Variants in PCDHA8 observed in about 807,000 individuals in gnomAD.
PCDHA8 encodes the protein protocadherin alpha 8, also known as protocadherin alpha-8.
In PCDHA8, 53 loss-of-function variants were observed where a neutral mutation model predicts 61.8. The observed-to-expected ratio is 0.86, with a 90% CI of 0.69 to 1.08. The LOEUF is 1.08. Ranked by LOEUF, PCDHA8 falls within the 50% of genes least tolerant of loss-of-function variation. PCDHA8 has a pLI of 0.00. For synonymous variants in PCDHA8, 618 were observed against 556.6 expected, an observed-to-expected ratio of 1.11 and a Z score of -1.55; for missense variants, 1,293 against 1,245.0, an observed-to-expected ratio of 1.04 and a Z score of -0.58.
intron 1 of PCDHA8, among the ~76,000 whole-genome samples, chr5:140,973,733 C>G (rs1273705154): frequency 6.6e-6 from 1 of 152,216 alleles, no homozygotes; most frequent in Non-Finnish European, 1.5e-5. Context: ...GGCATCTGGT[C>G]TAACTCAGAA....
At chr5:140,957,855 T>TC (rs1398127159) in intron 1 of PCDHA8, among the ~76,000 whole-genome samples, 1 of 151,980 alleles carries the variant, frequency 6.6e-6, no homozygotes, top group Non-Finnish European at 1.5e-5. Context: ...TTTGTGTATT[T>TC]TTTTTCCTAT....
chr5:140,953,601 C>T (rs1448878513), intron 1 of PCDHA8, among the ~76,000 whole-genome samples: 3 of 152,014 alleles, frequency 2.0e-5, no homozygotes, highest in Non-Finnish European at 4.4e-5. Flanking sequence ...TTGTTTATTC[C>T]CCAGAGTCCT....
In PCDHA8 at chr5:140,841,681, C is replaced by T. The variant is rs2150320703; in HGVS notation, c.360C>T (p.Asp120=). 2.5e-6 allele frequency: 4 copies of T among 1,613,906 alleles called. No individual in the cohort carries two copies. In the South Asian group the frequency reaches 4.4e-5, roughly 18 times the overall value. ...VDRPLQVFHV[D]VEVKDVNDNP... ...GGCCGCTGCAGGTTTTCCATGTGGA[C>T]GTGGAGGTGAAGGATGTTAATGACA... Residue 120 remains aspartate (D), a synonymous_variant, in exon 1 of 4, where the codon GAC becomes GAT. Transcript: ENST00000531613.
chr5:141,011,104 C>A lies in PCDHA8; in HGVS notation c.*1167C>A, dbSNP rs1396728499. On this transcript the variant is annotated 3_prime_UTR_variant, in exon 4 of 4. Transcript: ENST00000531613. ...GATCTCTCTTTCTCTCTCTCTCTCT[C>A]TTTTCTAAGAAACAATTATGTGCAC... is the stretch of plus-strand genomic sequence containing the variant. 6.5e-6 allele frequency: 1 copy of A among 153,726 alleles called. No individual in the cohort carries two copies. The highest frequency in any genetic ancestry group is 1.5e-5 in the Non-Finnish European group (1 of 68,028). The allele number at this position is 153,726 out of a possible 1,614,324, so 9.5% of individuals were successfully genotyped here. A position where few individuals can be genotyped will look rare whatever the true frequency, so the allele number is the denominator to read the frequency against.
chr5:140,966,812 C>T, intron 1 of PCDHA8: 1 of 1,550,798 alleles, frequency 6.4e-7, no homozygotes, highest in East Asian at 2.4e-5. Flanking sequence ...GCATCCACGG[C>T]TCCGGCGGCC....
At chr5:140,987,635 G>A (rs2097262928) in intron 3 of PCDHA8, among the ~76,000 whole-genome samples, 3 of 152,176 alleles carry the variant, frequency 2.0e-5, no homozygotes, top group Non-Finnish European at 4.4e-5. Context: ...ATGAGATAAT[G>A]CACACATATT....
chr5:140,937,343 A>G (rs1412775724), intron 1 of PCDHA8, among the ~76,000 whole-genome samples: 1 of 151,948 alleles, frequency 6.6e-6, no homozygotes, highest in Non-Finnish European at 1.5e-5. Context: ...GGCTTCTTCC[A>G]TTTATTTTAT....
At chr5:140,881,042 G>A (rs2058565950) in intron 1 of PCDHA8, among the ~76,000 whole-genome samples, 1 of 152,208 alleles carries the variant, frequency 6.6e-6, no homozygotes, top group Non-Finnish European at 1.5e-5. Context: ...TTCCTATAGA[G>A]TTGTGCACAG....
chr5:140,869,288 G>A lies in PCDHA8; in HGVS notation c.2394+25573G>A, dbSNP rs950790626. 6.2e-6 allele frequency: 10 copies of A among 1,613,460 alleles called. No individual in the cohort carries two copies. The highest frequency in any genetic ancestry group is 1.7e-5 in the Admixed American group (1 of 59,996). On this transcript the variant is annotated intron_variant, in intron 1 of 3. Coordinates refer to ENST00000531613, the MANE Select transcript of PCDHA8 (RefSeq NM_018911.3). ...CTGGAGCTGGCGGAGCTGGTGCAGC[G>A]CCTGTTCCGGGTGGCGTCCAAAACA...
At chr5:140,893,066 A>G (rs1221245824) in intron 1 of PCDHA8, among the ~76,000 whole-genome samples, 1 of 152,248 alleles carries the variant, frequency 6.6e-6, no homozygotes, top group Admixed American at 6.5e-5. Flanking sequence ...ACTGCCATGA[A>G]TAACAGGATT....
At chr5:140,950,384 T>C (rs1242946878) in intron 1 of PCDHA8, among the ~76,000 whole-genome samples, 8 of 152,028 alleles carry the variant, frequency 5.3e-5, no homozygotes, top group Non-Finnish European at 8.8e-5. Context: ...TCCATTTGAA[T>C]GATATAGAAT....
intron 1 of PCDHA8, among the ~76,000 whole-genome samples, chr5:140,893,276 G>A (rs1554185570): frequency 6.6e-6 from 1 of 152,164 alleles, no homozygotes; most frequent in African/African-American, 2.4e-5. Context: ...TAGTGGAATT[G>A]CTGGATGATA....
At chr5:140,888,593 A>C (rs1165427237) in intron 1 of PCDHA8, among the ~76,000 whole-genome samples, 1 of 152,256 alleles carries the variant, frequency 6.6e-6, no homozygotes, top group Admixed American at 6.5e-5. Context: ...GTACACATTC[A>C]GAGCAGCTTT....
At chr5:140,995,738 T>G (rs1441000111) in intron 3 of PCDHA8, among the ~76,000 whole-genome samples, 1 of 152,150 alleles carries the variant, frequency 6.6e-6, no homozygotes, top group Non-Finnish European at 1.5e-5. Context: ...CTGGTGGATT[T>G]GGTATATCAT....
At chr5:140,858,143 A>G in intron 1 of PCDHA8, 2 of 1,597,218 alleles carry the variant, frequency 1.3e-6, no homozygotes, top group Non-Finnish European at 1.7e-6. Flanking sequence ...CGTGTACCTG[A>G]TCATCGCCAT....
chr5:140,935,554 GA>G (rs2090429733), intron 1 of PCDHA8, among the ~76,000 whole-genome samples: 1 of 152,134 alleles, frequency 6.6e-6, no homozygotes, highest in Non-Finnish European at 1.5e-5. Flanking sequence ...AAGTATCTTG[GA>G]AAAGTTCCTC....
At chr5:140,927,596 G>C in intron 1 of PCDHA8, 3 of 1,614,162 alleles carry the variant, frequency 1.9e-6, no homozygotes, top group Non-Finnish European at 2.5e-6. Flanking sequence ...GTATTTGAGC[G>C]CTCCGTATAC....
rs2150336569 is a variant in PCDHA8 at position 140,842,461 on chromosome 5, T to C, written c.1140T>C (p.Gly380=). 48 of 1,613,688 alleles carry C rather than the reference T, an allele frequency of 3.0e-5. 1 individual carries two copies. Among genetic ancestry groups the C allele is most frequent in the Middle Eastern group, 3.3e-4 (2 of 6,082 alleles). Residue 380 remains glycine, a synonymous_variant, in exon 1 of 4, where the codon GGT becomes GGC. Coordinates refer to ENST00000531613, the MANE Select transcript of PCDHA8 (RefSeq NM_018911.3). ...ALISVNDLDS[G]ANGQVTCSLM... ...TTAGCGTGAACGACCTCGATTCAGG[T>C]GCCAACGGGCAGGTGACCTGCTCCC...
chr5:140,854,718 A>G (rs1417789198), intron 1 of PCDHA8: 1 of 149,960 alleles, frequency 6.7e-6, no homozygotes, highest in Non-Finnish European at 1.5e-5. Flanking sequence ...AAAGACAGAA[A>G]ACTCAAGTTT....
Sources: gnomAD v4.1 joint callset for allele counts (sites outside exome capture counted in the v4.1 genomes callset) on GRCh38, gnomAD v4.1.1 for gene constraint, MANE v1.5 for transcripts, NCBI Gene and HGNC (gene_info 2026-07-23, HGNC 2026-07-21) for gene names.